Variants in NVL observed in about 807,000 individuals in gnomAD.
NVL encodes nuclear valosin-containing protein-like.
A neutral mutation model predicts 110.2 loss-of-function variants in NVL; 84 were observed. The ratio of observed to expected loss-of-function variants is 0.76; its 90% confidence interval spans 0.64 to 0.91. The LOEUF (loss-of-function observed/expected upper bound fraction) is 0.91, where lower values mean the gene tolerates loss of function less well. NVL is among the 40% of genes least tolerant of loss of function. The probability of loss-of-function intolerance (pLI) is 0.00; values close to 1 mark genes in which losing one functional copy is unlikely to be tolerated. For missense variants in NVL, 882 were observed against 1,035.9 expected, an observed-to-expected ratio of 0.85 and a Z score of 2.04; for synonymous variants, 354 against 361.1, an observed-to-expected ratio of 0.98 and a Z score of 0.22.
chr1:224,229,845 T>C (rs1374583089), intron 22 of NVL, among the ~76,000 whole-genome samples: 1 of 152,168 alleles, frequency 6.6e-6, no homozygotes, highest in African/African-American at 2.4e-5. Flanking sequence ...TATTTGTTTG[T>C]TTTTGAGACA....
At position 224,295,354 on chromosome 1, in the gene NVL, G is replaced by A. The variant is rs561953789; in HGVS notation, c.1181-943C>T. Among the ~76,000 whole-genome samples the A allele has an allele frequency of 3.9e-3, 591 of 152,008 alleles. 4 individuals are homozygous for A. Among genetic ancestry groups the A allele is most frequent in the African/African-American group, 0.012 (518 of 41,462 alleles). On this transcript the variant is annotated intron_variant, in intron 11 of 22. Coordinates refer to ENST00000281701, the MANE Select transcript of NVL (RefSeq NM_002533.4). ...ACTACAGGCGCCCGCCACCACGCCC[G>A]GCTAATTTTTTTATTTTTTTATTTT...
intron 18 of NVL, among the ~76,000 whole-genome samples, chr1:224,262,485 T>A (rs936889513): frequency 1.3e-5 from 2 of 151,620 alleles, no homozygotes; most frequent in South Asian, 4.2e-4. Flanking sequence ...AAAATGAGGG[T>A]GTAAGCAAGA....
At chr1:224,278,641 A>G (rs1666015827) in intron 16 of NVL, among the ~76,000 whole-genome samples, 1 of 152,232 alleles carries the variant, frequency 6.6e-6, no homozygotes, top group Non-Finnish European at 1.5e-5. Context: ...CATATTTACC[A>G]GACTGGCAAA....
intron 2 of NVL, among the ~76,000 whole-genome samples, chr1:224,320,518 G>A (rs566730216): frequency 3.9e-4 from 60 of 152,158 alleles, no homozygotes; most frequent in Non-Finnish European, 7.8e-4. Flanking sequence ...ATGGTGGTGG[G>A]TGCCTGTAAT....
At chr1:224,275,549 T>C (rs1049058291) in intron 16 of NVL, 91 bp from the exon 17 acceptor site, 4 of 1,491,112 alleles carry the variant, frequency 2.7e-6, no homozygotes, top group Non-Finnish European at 3.7e-6. Flanking sequence ...TGACATAAAC[T>C]AGTTTTATGT....
rs570988456 is a variant in NVL at position 224,235,924 on chromosome 1, C to T, written c.2366+582G>A. Among the ~76,000 whole-genome samples, 3 of 129,266 alleles carry T rather than the reference C, an allele frequency of 2.3e-5. No individual in the cohort carries two copies. The South Asian group carries it at 9.0e-4, about 39-fold the overall frequency. 84.8% of individuals were successfully genotyped at this position (129,266 alleles called of 152,430 possible). A position where few individuals can be genotyped will look rare whatever the true frequency, so the allele number is the denominator to read the frequency against. ...CTCCAGCCTGGGTGAAAGAGGGAAACCCTGTATGGAAAAAAAAAAAAGAAA... is the reference window on the plus strand; with the variant it reads ...CTCCAGCCTGGGTGAAAGAGGGAAATCCTGTATGGAAAAAAAAAAAAGAAA... On this transcript the variant is annotated intron_variant, in intron 20 of 22. Transcript: ENST00000281701.
At chr1:224,230,811 T>C (rs569678122) in intron 22 of NVL, among the ~76,000 whole-genome samples, 3 of 152,170 alleles carry the variant, frequency 2.0e-5, no homozygotes, top group East Asian at 1.9e-4. Context: ...TTTTAGGAAG[T>C]AGAAGTAGTA....
intron 17 of NVL, among the ~76,000 whole-genome samples, chr1:224,272,042 A>C (rs976385246): frequency 1.3e-5 from 2 of 151,672 alleles, no homozygotes; most frequent in Non-Finnish European, 2.9e-5. Flanking sequence ...TCAAATTTAA[A>C]ATGTTTTTAG....
At position 224,308,109 on chromosome 1, in the gene NVL, G is replaced by T; in HGVS notation, c.497C>A (p.Ala166Asp). The change falls in exon 6 of 23, where the codon GCC becomes GAC. Residue 166 changes from alanine to aspartate, a missense_variant. This residue lies in a region of NVL where 274 missense variants were observed against 268.4 expected (regional missense o/e 1.02). Transcript: ENST00000281701. Reference protein sequence around the residue: ...KTGSIPLKTPAKDSEGGWFID... With the variant: ...KTGSIPLKTPDKDSEGGWFID... ...AAACCATCCTCCTTCAGAATCTTTG[G>T]CAGGGGTCTTCAAGGGAATGGAGCC... 1.9e-6 allele frequency: 3 copies of T among 1,613,544 alleles called. No homozygotes were observed. The highest frequency in any genetic ancestry group is 2.5e-6 in the Non-Finnish European group (3 of 1,179,850).
chr1:224,295,349 C>G (rs572250378), intron 11 of NVL, among the ~76,000 whole-genome samples: 7 of 152,190 alleles, frequency 4.6e-5, no homozygotes, highest in African/African-American at 1.4e-4. Context: ...CCCGCCACCA[C>G]GCCCGGCTAA....
At chr1:224,228,974 G>A (rs1415399891) in intron 22 of NVL, among the ~76,000 whole-genome samples, 5 of 149,994 alleles carry the variant, frequency 3.3e-5, no homozygotes, top group Non-Finnish European at 7.4e-5. Flanking sequence ...TTCCAGTGTG[G>A]TTGTATCTAC....
intron 4 of NVL, among the ~76,000 whole-genome samples, chr1:224,314,971 A>G (rs1029716630): frequency 6.6e-6 from 1 of 152,078 alleles, no homozygotes; most frequent in Non-Finnish European, 1.5e-5. Flanking sequence ...AGATCACGCT[A>G]TTGCACTCCA....
At chr1:224,327,904 G>C (rs1265736171) in intron 1 of NVL, among the ~76,000 whole-genome samples, 2 of 151,864 alleles carry the variant, frequency 1.3e-5, no homozygotes, top group Non-Finnish European at 2.9e-5. Context: ...CAAAGGTCCT[G>C]TGCTTGGCAT....
chr1:224,233,402 G>A, intron 20 of NVL, 113 bp from the exon 21 acceptor site: 1 of 629,654 alleles, frequency 1.6e-6, no homozygotes, highest in Non-Finnish European at 2.5e-6. Context: ...GAGAAAAAGT[G>A]ACCAATAAAG....
intron 18 of NVL, among the ~76,000 whole-genome samples, chr1:224,253,314 T>C (rs1004207364): frequency 2.0e-4 from 30 of 151,802 alleles, no homozygotes; most frequent in Non-Finnish European, 4.0e-4. Context: ...CCTCCCGAAG[T>C]GCTGGGATTA....
intron 6 of NVL, 98 bp from the exon 7 acceptor site, chr1:224,305,264 T>TGAC: frequency 8.1e-7 from 1 of 1,229,808 alleles, no homozygotes; most frequent in Non-Finnish European, 1.1e-6. Flanking sequence ...AATTCATTCC[T>TGAC]GCCCTAGCAC....
chr1:224,267,640 T>A (rs1295695476), intron 18 of NVL, among the ~76,000 whole-genome samples: 1 of 148,866 alleles, frequency 6.7e-6, no homozygotes, highest in Non-Finnish European at 1.5e-5. Flanking sequence ...TGAGCCAAGG[T>A]CATGCCACTG....
At chr1:224,295,151 G>A (rs1667750373) in intron 11 of NVL, among the ~76,000 whole-genome samples, 1 of 152,056 alleles carries the variant, frequency 6.6e-6, no homozygotes, top group Non-Finnish European at 1.5e-5. Flanking sequence ...GTAACAAGAA[G>A]GTAGTAAGAT....
In NVL at chr1:224,317,903, A is replaced by G. The variant is rs779188594; in HGVS notation, c.159T>C (p.Asn53=). Reference sequence around the variant, plus strand: ...CTTTTTCTACCTGAATCCTAAAAGCATTTCTTTTTCTTCGACCATAGTCTA... The same window carrying G: ...CTTTTTCTACCTGAATCCTAAAAGCGTTTCTTTTTCTTCGACCATAGTCTA... ...YSIDYGRRKR[N]AFRIQVEKVF... is the part of the protein sequence containing the mutation. The change falls in exon 3 of 23, where the codon AAT becomes AAC. Residue 53 remains asparagine (N), a synonymous_variant. Coordinates refer to ENST00000281701, the MANE Select transcript of NVL (RefSeq NM_002533.4). 6.3e-7 allele frequency: 1 copy of G among 1,599,100 alleles called. No individual in the cohort carries two copies. The highest frequency in any genetic ancestry group is 8.6e-7 in the Non-Finnish European group (1 of 1,168,942).
Sources: allele counts gnomAD v4.1 joint callset (sites outside exome capture counted in the v4.1 genomes callset), GRCh38; gene constraint gnomAD v4.1.1; regional missense constraint gnomAD v4.1.1; transcripts MANE v1.5; gene names NCBI Gene and HGNC (gene_info 2026-07-23, HGNC 2026-07-21).